Variants in B3GAT2 observed in about 807,000 individuals in gnomAD.
B3GAT2 encodes beta-1,3-glucuronyltransferase 2.
B3GAT2 carries 26 observed loss-of-function variants against 27.8 expected under a neutral mutation model. The observed-to-expected ratio is 0.93, with a 90% CI of 0.68 to 1.30. The LOEUF is 1.30. B3GAT2 is among the 50% of genes most tolerant of loss of function. The pLI, the probability that B3GAT2 is intolerant of heterozygous loss-of-function variation, is 0.00. For synonymous variants in B3GAT2, 218 were observed against 195.1 expected, an observed-to-expected ratio of 1.12 and a Z score of -0.98; for missense variants, 458 against 459.0, an observed-to-expected ratio of 1.00 and a Z score of 0.02.
Position 70,860,519 on chromosome 6 carries a change from A to G in B3GAT2, c.*1144T>C, listed in dbSNP as rs1030074806. ...TTGATGTGGTGAAAAGCAGGTTGAT[A>G]AATCATTTTATGTCAAGGGCAGCTT... On this transcript the variant is annotated 3_prime_UTR_variant, in exon 4 of 4. Transcript: ENST00000230053. 3 of 558,598 alleles carry G rather than the reference A, an allele frequency of 5.4e-6. No individual in the cohort carries two copies. The highest frequency in any genetic ancestry group is 8.3e-6 in the Non-Finnish European group (3 of 361,602). 34.6% of individuals were successfully genotyped at this position (558,598 alleles called of 1,614,324 possible).
At chr6:70,907,372 G>A (rs1321498660) in intron 1 of B3GAT2, among the ~76,000 whole-genome samples, 2 of 152,186 alleles carry the variant, frequency 1.3e-5, no homozygotes. Flanking sequence ...ACCAGGAAGA[G>A]AACCAGCCTG....
At position 70,858,332 on chromosome 6, in the gene B3GAT2, CAGAA is replaced by C. The variant is rs1771533993; in HGVS notation, c.*3327_*3330del. ...TTTTTTTTTAAGTCTAGTGATCTGG[CAGAA>C]AGAATTCAATAGGGATAATATGTTA... is the stretch of plus-strand genomic sequence containing the variant. On this transcript the variant is annotated 3_prime_UTR_variant, in exon 4 of 4. Transcript: ENST00000230053. The C allele has an allele frequency of 1.9e-6, 2 of 1,034,516 alleles. No homozygotes were observed. The highest frequency in any genetic ancestry group is 1.3e-6 in the Non-Finnish European group (1 of 766,476). The allele number at this position is 1,034,516 out of a possible 1,614,324, so 64.1% of individuals were successfully genotyped here. A position where few individuals can be genotyped will look rare whatever the true frequency, so the allele number is the denominator to read the frequency against.
At chr6:70,891,936 A>G (rs1209841837) in intron 2 of B3GAT2, among the ~76,000 whole-genome samples, 2 of 152,204 alleles carry the variant, frequency 1.3e-5, no homozygotes, top group African/African-American at 4.8e-5. Context: ...CTGCCTCAAA[A>G]ACAGAATAAC....
In B3GAT2 at chr6:70,858,984, T is replaced by TAG. The variant is rs921058828; in HGVS notation, c.*2677_*2678dup. ...CTCTAGCTGCACAGACAAAGGCTCT[T>TAG]AGAGAGGTTCATGCTCCCACTCTTC... On this transcript the variant is annotated 3_prime_UTR_variant, in exon 4 of 4. Transcript: ENST00000230053. 1.2e-5 allele frequency: 2 copies of TAG among 173,562 alleles called. No individual in the cohort carries two copies. Among genetic ancestry groups the TAG allele is most frequent in the Admixed American group, 1.2e-4 (2 of 16,418 alleles). The allele number at this position is 173,562 out of a possible 1,614,324, so 10.8% of individuals were successfully genotyped here.
At chr6:70,896,718 T>C (rs1772392860) in intron 1 of B3GAT2, among the ~76,000 whole-genome samples, 1 of 151,516 alleles carries the variant, frequency 6.6e-6, no homozygotes, top group Admixed American at 6.6e-5. Context: ...GAGATTCATC[T>C]ACTTGTAATG....
intron 1 of B3GAT2, among the ~76,000 whole-genome samples, chr6:70,918,511 A>G (rs1018419780): frequency 1.3e-5 from 2 of 152,210 alleles, no homozygotes; most frequent in African/African-American, 2.4e-5. Context: ...ACAATTTGTC[A>G]TGTTTTTGTA....
intron 1 of B3GAT2, among the ~76,000 whole-genome samples, chr6:70,929,151 A>G (rs1773017113): frequency 6.6e-6 from 1 of 152,044 alleles, no homozygotes; most frequent in East Asian, 1.9e-4. Context: ...ATAGGTGGGA[A>G]TTGAACAATG....
At position 70,876,152 on chromosome 6, in the gene B3GAT2, T is replaced by C. The variant is rs537216126; in HGVS notation, c.737-14174A>G. On this transcript the variant is annotated intron_variant, in intron 2 of 3. Transcript: ENST00000230053. ...TTGACATGGCCTGGGTAAGAGGCCA[T>C]GGTACTACTGAATTGGTCAAACTAA... 2.0e-5 allele frequency among the ~76,000 whole-genome samples: 3 copies of C among 152,262 alleles called. No homozygotes were observed. In the East Asian group the frequency reaches 5.8e-4, roughly 29 times the overall value.
intron 2 of B3GAT2, among the ~76,000 whole-genome samples, chr6:70,884,932 C>T (rs978375277): frequency 6.6e-6 from 1 of 152,232 alleles, no homozygotes; most frequent in African/African-American, 2.4e-5. Flanking sequence ...GGCTTAACTT[C>T]TGAAGCCAGT....
At chr6:70,877,474 G>A (rs995537763) in intron 2 of B3GAT2, among the ~76,000 whole-genome samples, 1 of 152,130 alleles carries the variant, frequency 6.6e-6, no homozygotes, top group African/African-American at 2.4e-5. Context: ...TTACCATCAA[G>A]TCCTGGTCTT....
At chr6:70,929,922 T>C (rs1286738566) in intron 1 of B3GAT2, among the ~76,000 whole-genome samples, 1 of 152,104 alleles carries the variant, frequency 6.6e-6, no homozygotes, top group African/African-American at 2.4e-5. Flanking sequence ...TGGAGGCATC[T>C]TGCTACCTGA....
intron 1 of B3GAT2, among the ~76,000 whole-genome samples, chr6:70,902,907 G>C (rs1217182787): frequency 6.6e-6 from 1 of 151,930 alleles, no homozygotes; most frequent in Non-Finnish European, 1.5e-5. Context: ...GGGTGGCAGG[G>C]GGGCTGGTGG....
chr6:70,936,014 C>T (rs866118743), intron 1 of B3GAT2, among the ~76,000 whole-genome samples: 6 of 150,016 alleles, frequency 4.0e-5, no homozygotes, highest in South Asian at 2.1e-4. Flanking sequence ...ACCCATCTCA[C>T]GTGCAGAGAC....
intron 1 of B3GAT2, among the ~76,000 whole-genome samples, chr6:70,898,546 T>A (rs1391172783): frequency 6.6e-6 from 1 of 152,166 alleles, no homozygotes; most frequent in African/African-American, 2.4e-5. Context: ...ATTAACAGAA[T>A]GGCTTTATAT....
chr6:70,893,756 T>C (rs1772330589), intron 2 of B3GAT2, among the ~76,000 whole-genome samples: 1 of 152,144 alleles, frequency 6.6e-6, no homozygotes, highest in African/African-American at 2.4e-5. Flanking sequence ...AATATATCAG[T>C]CTTCTAGAAA....
intron 1 of B3GAT2, among the ~76,000 whole-genome samples, chr6:70,918,227 C>A (rs1301990645): frequency 6.6e-6 from 1 of 151,996 alleles, no homozygotes; most frequent in Non-Finnish European, 1.5e-5. Context: ...GATGGCAAAC[C>A]CTTTTTTTTG....
rs1373907032 is a variant in B3GAT2, at chr6:70,859,514, TATTAA to T, written c.*2144_*2148del. On this transcript the variant is annotated 3_prime_UTR_variant, in exon 4 of 4. Transcript: ENST00000230053. ...AACTGTAAATAAGTCAAGTCAAATG[TATTAA>T]ATTAAGAACACAGTCTAACTCTGAG... 5 of 757,168 alleles carry T rather than the reference TATTAA, an allele frequency of 6.6e-6. No individual in the cohort carries two copies. The highest frequency in any genetic ancestry group is 3.0e-5 in the Admixed American group (1 of 33,184). The allele number at this position is 757,168 out of a possible 1,614,324, so 46.9% of individuals were successfully genotyped here.
intron 2 of B3GAT2, among the ~76,000 whole-genome samples, chr6:70,871,821 A>C (rs968271894): frequency 2.0e-5 from 3 of 151,456 alleles, no homozygotes; most frequent in Admixed American, 6.6e-5. Flanking sequence ...CTTCTTTTTA[A>C]TGGAGGTATG....
intron 1 of B3GAT2, among the ~76,000 whole-genome samples, chr6:70,898,925 T>A (rs1354997368): frequency 6.6e-6 from 1 of 151,878 alleles, no homozygotes; most frequent in Non-Finnish European, 1.5e-5. Flanking sequence ...ATTGCACCAC[T>A]GCACTCTGGC....
Sources: gnomAD v4.1 joint callset for allele counts (sites outside exome capture counted in the v4.1 genomes callset) on GRCh38, gnomAD v4.1.1 for gene constraint, MANE v1.5 for transcripts, NCBI Gene and HGNC (gene_info 2026-07-23, HGNC 2026-07-21) for gene names.